The following RAB4A variants were observed in gnomAD, a reference collection of about 807,000 sequenced individuals.
The protein encoded by RAB4A is ras-related protein Rab-4A.
A neutral mutation model predicts 34.5 loss-of-function variants in RAB4A; 20 were observed. The ratio of observed to expected loss-of-function variants is 0.58; its 90% CI spans 0.41 to 0.84. The LOEUF is 0.84. Among genes scored for constraint, RAB4A ranks in the 40% least tolerant of loss-of-function variants. The pLI, the probability that RAB4A is intolerant of heterozygous loss-of-function variation, is 0.00. For synonymous variants in RAB4A, 102 were observed against 100.0 expected (o/e 1.02, Z -0.12); for missense variants, 228 against 274.5 (o/e 0.83, Z 1.20).
chr1:229,290,820 A>G (rs575754393), intron 3 of RAB4A, among the ~76,000 whole-genome samples: 1 of 152,344 alleles, frequency 6.6e-6, no homozygotes, highest in East Asian at 1.9e-4. Flanking sequence ...GACATAAAGA[A>G]TCCTCCAGAA....
At chr1:229,281,701 G>A (rs1315863972) in intron 1 of RAB4A, among the ~76,000 whole-genome samples, 2 of 151,476 alleles carry the variant, frequency 1.3e-5, no homozygotes, top group Non-Finnish European at 1.5e-5. Context: ...GCCTTGACTG[G>A]CCATTTTAAA....
chr1:229,280,158 A>G (rs955691839), intron 1 of RAB4A, among the ~76,000 whole-genome samples: 4 of 152,226 alleles, frequency 2.6e-5, no homozygotes, highest in Non-Finnish European at 5.9e-5. Flanking sequence ...ATAAACCCAT[A>G]AAACTAGTAC....
chr1:229,286,382 C>T, intron 1 of RAB4A, 104 bp from the exon 2 acceptor site: 6 of 674,446 alleles, frequency 8.9e-6, no homozygotes, highest in Admixed American at 3.5e-5. Context: ...CCTCTTTTTC[C>T]TGTTATATTA....
intron 1 of RAB4A, among the ~76,000 whole-genome samples, chr1:229,284,903 A>C (rs923736755): frequency 6.6e-6 from 1 of 151,962 alleles, no homozygotes; most frequent in Admixed American, 6.6e-5. Context: ...GTTCTTTTAT[A>C]TGTTCTGTCC....
chr1:229,305,612 C>A lies in RAB4A; in HGVS notation c.*1819C>A. Reference sequence around the variant, plus strand: ...TGTCATGTTTCTATTTCCCGCAACTCATTAAGTTTTCAGGAAGCTCTTAAT... The same window carrying A: ...TGTCATGTTTCTATTTCCCGCAACTAATTAAGTTTTCAGGAAGCTCTTAAT... On this transcript the variant is annotated 3_prime_UTR_variant, in exon 8 of 8. Transcript: ENST00000366690. 5.2e-6 allele frequency: 1 copy of A among 191,806 alleles called. No individual in the cohort carries two copies. The highest frequency in any genetic ancestry group is 1.1e-5 in the Non-Finnish European group (1 of 94,220). 11.9% of individuals were successfully genotyped at this position (191,806 alleles called of 1,614,324 possible).
rs1441206040 is a variant in RAB4A, at chr1:229,288,768, G to A, written c.152G>A (p.Gly51Asp). Reference protein sequence around the residue: ...DSNHTIGVEFGSKIINVGGKY... With the variant: ...DSNHTIGVEFDSKIINVGGKY... Reference sequence around the variant, plus strand: ...AATCATACAATAGGAGTGGAATTTGGTTCAAAGATAATAAATGTTGGTGGT... The same window carrying A: ...AATCATACAATAGGAGTGGAATTTGATTCAAAGATAATAAATGTTGGTGGT... The change falls in exon 3 of 8, where the codon GGT becomes GAT. Residue 51 changes from glycine to aspartate, a missense_variant. Transcript: ENST00000366690. 6.3e-7 allele frequency: 1 copy of A among 1,593,378 alleles called. No homozygotes were observed. The highest frequency in any genetic ancestry group is 1.1e-5 in the South Asian group (1 of 89,934).
At chr1:229,292,687 C>T (rs1003345235) in intron 3 of RAB4A, among the ~76,000 whole-genome samples, 10 of 152,220 alleles carry the variant, frequency 6.6e-5, no homozygotes, top group African/African-American at 2.4e-4. Flanking sequence ...TCTTCTTTGC[C>T]AAGCAGCAAA....
chr1:229,289,265 C>CA (rs904561155), intron 3 of RAB4A: 2 of 160,226 alleles, frequency 1.2e-5, no homozygotes, highest in Non-Finnish European at 2.7e-5. Flanking sequence ...ACACACTCCA[C>CA]AAAATATTCT....
Position 229,289,730 on chromosome 1 carries a change from C to T in RAB4A, c.227+887C>T, listed in dbSNP as rs150167707. Among the ~76,000 whole-genome samples, 581 of 152,284 alleles carry T rather than the reference C, an allele frequency of 3.8e-3. 20 individuals are homozygous for T. The East Asian group carries it at 0.08, about 21-fold the overall frequency. ...ACTCTGGAGGCTGAGGCAGGAAAAT[C>T]GCTTGAACCCGGGAGGTGGAGGTTG... On this transcript the variant is annotated intron_variant, in intron 3 of 7. Transcript: ENST00000366690.
chr1:229,297,585 GCAGAT>G lies in RAB4A; in HGVS notation c.396_400del (p.Asp133Ter). On this transcript the variant is annotated frameshift_variant, in exon 5 of 8. Transcript: ENST00000366690. LOFTEE classifies it high-confidence loss of function. The stretch of plus-strand genomic sequence containing the variant: ...TTGTGGAAACAAGAAGGACCTGGAT[GCAGAT>G]CGTGAAGTTACCTTCTTAGAAGCCT... 6.2e-7 allele frequency: 1 copy of G among 1,612,416 alleles called. No individual in the cohort carries two copies. The highest frequency in any genetic ancestry group is 8.5e-7 in the Non-Finnish European group (1 of 1,179,758).
At chr1:229,297,267 A>G (rs1657273790) in intron 4 of RAB4A, among the ~76,000 whole-genome samples, 1 of 152,064 alleles carries the variant, frequency 6.6e-6, no homozygotes, top group South Asian at 2.1e-4. Flanking sequence ...AAATAACAAA[A>G]TATCTCACTT....
rs1656997881 is a variant in RAB4A at position 229,289,146 on chromosome 1, C to T, written c.227+303C>T. On this transcript the variant is annotated intron_variant, in intron 3 of 7. Coordinates refer to ENST00000366690, the MANE Select transcript of RAB4A (RefSeq NM_004578.4). ...GTACAGTATGTTTCTAGATTCAAATCAAAGCACAAGCTTGTTTTTCTGTGT... is the reference window on the plus strand; with the variant it reads ...GTACAGTATGTTTCTAGATTCAAATTAAAGCACAAGCTTGTTTTTCTGTGT... 1.4e-5 allele frequency: 3 copies of T among 209,026 alleles called. No homozygotes were observed. The South Asian group carries it at 3.8e-4, about 27-fold the overall frequency. 12.9% of individuals were successfully genotyped at this position (209,026 alleles called of 1,614,324 possible). A position where few individuals can be genotyped will look rare whatever the true frequency, so the allele number is the denominator to read the frequency against.
chr1:229,281,845 T>TATATATCA lies in RAB4A; in HGVS notation c.32-4639_32-4638insATATCAAT, dbSNP rs1293866486. Among the ~76,000 whole-genome samples the TATATATCA allele has an allele frequency of 1.8e-3, 243 of 135,966 alleles. 1 individual carries two copies. Among genetic ancestry groups the TATATATCA allele is most frequent in the African/African-American group, 6.0e-3 (225 of 37,446 alleles). The allele number at this position is 135,966 out of a possible 152,430, so 89.2% of individuals were successfully genotyped here. On this transcript the variant is annotated intron_variant, in intron 1 of 7. Coordinates refer to ENST00000366690, the MANE Select transcript of RAB4A (RefSeq NM_004578.4). Reference sequence around the variant, plus strand: ...ATATATATATATATATATATATATATATCATAGTTTACTGTTGTCATCTTT... The same window carrying TATATATCA: ...ATATATATATATATATATATATATATATATATCAATCATAGTTTACTGTTGTCATCTTT...
intron 3 of RAB4A, among the ~76,000 whole-genome samples, chr1:229,294,887 T>G (rs1168498005): frequency 6.6e-6 from 1 of 151,952 alleles, no homozygotes; most frequent in Non-Finnish European, 1.5e-5. Flanking sequence ...GAAAAGATGG[T>G]GCAGCATATT....
intron 1 of RAB4A, among the ~76,000 whole-genome samples, chr1:229,283,678 A>G (rs2102840189): frequency 6.6e-6 from 1 of 151,514 alleles, no homozygotes; most frequent in South Asian, 2.1e-4. Context: ...AATCCCGGGT[A>G]CACTGAAATC....
intron 1 of RAB4A, among the ~76,000 whole-genome samples, chr1:229,274,015 G>A (rs1656571900): frequency 6.7e-6 from 1 of 150,240 alleles, no homozygotes; most frequent in African/African-American, 2.4e-5. Context: ...TTGACAGAGA[G>A]ATGAGGAATG....
rs571219176 is a variant in RAB4A, at chr1:229,293,781, C to T, written c.228-2067C>T. Reference sequence around the variant, plus strand: ...CCACTGGATGGGGATGCTTGGGGAACGTTGCTGAGGAGATAGAGTTAATGA... The same window carrying T: ...CCACTGGATGGGGATGCTTGGGGAATGTTGCTGAGGAGATAGAGTTAATGA... On this transcript the variant is annotated intron_variant, in intron 3 of 7. Coordinates refer to ENST00000366690, the MANE Select transcript of RAB4A (RefSeq NM_004578.4). 3.4e-4 allele frequency among the ~76,000 whole-genome samples: 51 copies of T among 152,166 alleles called. 1 individual carries two copies. The South Asian group carries it at 9.7e-3, about 29-fold the overall frequency.
In RAB4A at chr1:229,305,254, T is replaced by A. The variant is rs753160901; in HGVS notation, c.*1461T>A. The A allele has an allele frequency of 6.9e-6, 11 of 1,604,944 alleles. No individual in the cohort carries two copies. In the South Asian group the frequency reaches 1.1e-4, roughly 17 times the overall value. ...AAGCAAATTCTCAGACTGAACTACT[T>A]CTTAGACCTCACTGTAAGAATATTT... is the stretch of plus-strand genomic sequence containing the variant. On this transcript the variant is annotated 3_prime_UTR_variant, in exon 8 of 8. Transcript: ENST00000366690.
At chr1:229,295,814 T>A in intron 3 of RAB4A, 34 bp from the exon 4 acceptor site, 1 of 1,611,966 alleles carries the variant, frequency 6.2e-7, no homozygotes, top group Non-Finnish European at 8.5e-7. Context: ...AGGGTCTCAA[T>A]TGGTTGAAAG....
Sources: allele counts gnomAD v4.1 joint callset (sites outside exome capture counted in the v4.1 genomes callset), GRCh38; gene constraint gnomAD v4.1.1; transcripts MANE v1.5; gene names NCBI Gene and HGNC (gene_info 2026-07-23, HGNC 2026-07-21).